Variants in ERO1A observed in about 807,000 individuals in gnomAD.
ERO1A encodes ERO1-like protein alpha.
Under a neutral mutation model 76.9 loss-of-function variants are expected in ERO1A, and 49 were observed. That is an observed-to-expected ratio of 0.64 (90% confidence interval 0.51 to 0.81). The LOEUF (loss-of-function observed/expected upper bound fraction) is 0.81, where lower values mean the gene tolerates loss of function less well. Ranked by LOEUF, ERO1A falls within the 30% of genes least tolerant of loss-of-function variation. The pLI is 0.00. For missense variants in ERO1A, 448 were observed against 542.1 expected (o/e 0.83, Z 1.72); for synonymous variants, 174 against 181.2 (o/e 0.96, Z 0.32).
chr14:52,651,441 C>A (rs1315776012), intron 13 of ERO1A, among the ~76,000 whole-genome samples: 2 of 123,830 alleles, frequency 1.6e-5, no homozygotes, highest in African/African-American at 5.7e-5. Context: ...TCCTTTATTA[C>A]CTCTATTTAT....
intron 11 of ERO1A, among the ~76,000 whole-genome samples, chr14:52,657,143 C>T (rs2040078058): frequency 6.6e-6 from 1 of 152,224 alleles, no homozygotes; most frequent in Non-Finnish European, 1.5e-5. Context: ...CCAGAAGTTA[C>T]TACCCTTTTC....
In ERO1A at chr14:52,655,938, T is replaced by C. The variant is rs151182067; in HGVS notation, c.808+1979A>G. 8.5e-4 allele frequency among the ~76,000 whole-genome samples: 130 copies of C among 152,324 alleles called. 3 individuals are homozygous for C. The East Asian group carries it at 0.022, about 26-fold the overall frequency. On this transcript the variant is annotated intron_variant, in intron 11 of 15. Coordinates refer to ENST00000395686, the MANE Select transcript of ERO1A (RefSeq NM_014584.3). ...GTAAAACATAATGTTTGGAAGTATA[T>C]ATACATTGTTAAATGCTTAATTCTA...
intron 6 of ERO1A, among the ~76,000 whole-genome samples, chr14:52,667,617 G>C (rs2040455577): frequency 6.6e-6 from 1 of 152,016 alleles, no homozygotes; most frequent in Non-Finnish European, 1.5e-5. Context: ...AGCTACCCAG[G>C]AGGCTGAGGT....
rs1016491326 is a variant in ERO1A, at chr14:52,642,418, A to G, written c.*1152T>C. 5 of 152,150 alleles carry G rather than the reference A, an allele frequency of 3.3e-5. No homozygotes were observed. Among genetic ancestry groups the G allele is most frequent in the African/African-American group, 1.2e-4 (5 of 41,432 alleles). The allele number at this position is 152,150 out of a possible 1,614,324, so 9.4% of individuals were successfully genotyped here. A position where few individuals can be genotyped will look rare whatever the true frequency, so the allele number is the denominator to read the frequency against. On this transcript the variant is annotated 3_prime_UTR_variant, in exon 16 of 16. Transcript: ENST00000395686. ...AGCCTACCCTATTACTATACACATCAAGCATAAAACGGGCAACAAAACTCA... is the reference window on the plus strand; with the variant it reads ...AGCCTACCCTATTACTATACACATCGAGCATAAAACGGGCAACAAAACTCA...
intron 2 of ERO1A, among the ~76,000 whole-genome samples, chr14:52,682,755 G>A (rs1350574039): frequency 2.7e-5 from 4 of 150,588 alleles, no homozygotes; most frequent in Admixed American, 6.6e-5. Context: ...AAAAATTAGC[G>A]AGGCCTGGTG....
chr14:52,649,980 G>T (rs1274285919), intron 13 of ERO1A, among the ~76,000 whole-genome samples: 1 of 152,102 alleles, frequency 6.6e-6, no homozygotes, highest in Non-Finnish European at 1.5e-5. Flanking sequence ...CTTTTCGGAG[G>T]CCAAGACAGG....
chr14:52,676,464 C>T (rs2040788169), intron 4 of ERO1A, among the ~76,000 whole-genome samples: 1 of 152,144 alleles, frequency 6.6e-6, no homozygotes, highest in Admixed American at 6.5e-5. Flanking sequence ...CAAATGGCTA[C>T]TAAGTCCAAG....
At chr14:52,691,318 C>T (rs2041347044) in intron 1 of ERO1A, among the ~76,000 whole-genome samples, 1 of 152,178 alleles carries the variant, frequency 6.6e-6, no homozygotes, top group South Asian at 2.1e-4. Flanking sequence ...GGACCTAGAA[C>T]GCTACAGGTC....
At chr14:52,681,391 C>T (rs1267409746) in intron 3 of ERO1A, among the ~76,000 whole-genome samples, 1 of 151,844 alleles carries the variant, frequency 6.6e-6, no homozygotes, top group Admixed American at 6.6e-5. Flanking sequence ...GTTACCAGTT[C>T]GAGACCAGCC....
intron 9 of ERO1A, chr14:52,658,614 T>A (rs2040128867): frequency 6.5e-6 from 1 of 153,146 alleles, no homozygotes; most frequent in Admixed American, 6.5e-5. Flanking sequence ...CATTCACTAT[T>A]TCAAAAGAGC....
At chr14:52,665,881 T>C (rs1246064872) in intron 7 of ERO1A, among the ~76,000 whole-genome samples, 1 of 152,232 alleles carries the variant, frequency 6.6e-6, no homozygotes, top group Non-Finnish European at 1.5e-5. Flanking sequence ...GAAGAAAATG[T>C]ATATAACATG....
At position 52,646,233 on chromosome 14, in the gene ERO1A, T is replaced by A; in HGVS notation, c.1267A>T (p.Asn423Tyr). The change falls in exon 15 of 16, where the codon AAT becomes TAT. Residue 423 changes from asparagine (N) to tyrosine (Y), a missense_variant. Physicochemically the swap from Asn to Tyr is moderately radical, Grantham distance 143. Transcript: ENST00000395686. ...KILFSEKLIA[N>Y]MPESGPSYEF... The stretch of plus-strand genomic sequence containing the variant: ...TAACTAGGTCCACTTTCTGGCATAT[T>A]TGCTATCAATTTCTCAGAAAATAAG... The A allele has an allele frequency of 6.2e-7, 1 of 1,613,960 alleles. No homozygotes were observed. Among genetic ancestry groups the A allele is most frequent in the Non-Finnish European group, 8.5e-7 (1 of 1,179,934 alleles).
chr14:52,681,269 T>C (rs2040983265), intron 3 of ERO1A, among the ~76,000 whole-genome samples: 2 of 152,170 alleles, frequency 1.3e-5, no homozygotes, highest in African/African-American at 2.4e-5. Context: ...AAACATAGTA[T>C]AGGCATACAG....
At chr14:52,658,478 C>T (rs995021028) in intron 9 of ERO1A, 2 of 204,642 alleles carry the variant, frequency 9.8e-6, no homozygotes, top group Admixed American at 5.9e-5. Context: ...AAATACCTAG[C>T]CTTGATAACA....
intron 4 of ERO1A, among the ~76,000 whole-genome samples, chr14:52,678,019 A>C (rs1345672442): frequency 4.6e-5 from 7 of 152,088 alleles, no homozygotes; most frequent in African/African-American, 1.4e-4. Context: ...TAATCCCAGC[A>C]CTTTGGGAGG....
At chr14:52,657,053 C>T (rs1228820444) in intron 11 of ERO1A, among the ~76,000 whole-genome samples, 5 of 152,176 alleles carry the variant, frequency 3.3e-5, no homozygotes, top group Non-Finnish European at 7.4e-5. Flanking sequence ...TTCCATGAGG[C>T]ACACCCACCA....
At chr14:52,659,349 T>C (rs2040154407) in intron 9 of ERO1A, among the ~76,000 whole-genome samples, 1 of 152,120 alleles carries the variant, frequency 6.6e-6, no homozygotes, top group African/African-American at 2.4e-5. Context: ...AAAAATATGA[T>C]CATCTTTAAT....
In ERO1A at chr14:52,641,893, C is replaced by T. The variant is rs2039488283; in HGVS notation, c.*1677G>A. ...CTGAATACATATGCATACATTCATC[C>T]AACAAATATTTATTGGATACCAAGT... is the stretch of plus-strand genomic sequence containing the variant. On this transcript the variant is annotated 3_prime_UTR_variant, in exon 16 of 16. Coordinates refer to ENST00000395686, the MANE Select transcript of ERO1A (RefSeq NM_014584.3). 1 of 152,092 alleles carries T rather than the reference C, an allele frequency of 6.6e-6. No homozygotes were observed. The highest frequency in any genetic ancestry group is 2.4e-5 in the African/African-American group (1 of 41,402). The allele number at this position is 152,092 out of a possible 1,614,324, so 9.4% of individuals were successfully genotyped here. A position where few individuals can be genotyped will look rare whatever the true frequency, so the allele number is the denominator to read the frequency against.
In ERO1A at chr14:52,658,026, A is replaced by C. The variant is rs1224603163; in HGVS notation, c.716-17T>G. The C allele has an allele frequency of 8.9e-6, 14 of 1,568,280 alleles. No individual in the cohort carries two copies. The highest frequency in any genetic ancestry group is 1.0e-5 in the Non-Finnish European group (12 of 1,145,324). The stretch of plus-strand genomic sequence containing the variant: ...CACAGAGACCTAAGAAAAAGCAGTG[A>C]CTTAGAAATAAAATTTCATATGTGA... On this transcript the variant is annotated splice_polypyrimidine_tract_variant and intron_variant, in intron 10 of 15. Coordinates refer to ENST00000395686, the MANE Select transcript of ERO1A (RefSeq NM_014584.3).
Sources: allele counts gnomAD v4.1 joint callset (sites outside exome capture counted in the v4.1 genomes callset), GRCh38; gene constraint gnomAD v4.1.1; transcripts MANE v1.5; gene names NCBI Gene and HGNC (gene_info 2026-07-23, HGNC 2026-07-21).